The following HYKK variants were observed in gnomAD, a reference collection of about 807,000 sequenced individuals.
HYKK encodes the protein hydroxylysine kinase.
In HYKK, 19 loss-of-function variants were observed where a neutral mutation model predicts 29.7. The ratio of observed to expected loss-of-function variants is 0.64; its 90% CI spans 0.45 to 0.94. HYKK has a LOEUF of 0.94. Among genes scored for constraint, HYKK ranks in the 40% least tolerant of loss-of-function variants. HYKK has a pLI of 0.00. For missense variants in HYKK, 390 were observed against 443.4 expected, an observed-to-expected ratio of 0.88 and a Z score of 1.08; for synonymous variants, 152 against 158.1, an observed-to-expected ratio of 0.96 and a Z score of 0.29.
intron 4 of HYKK, among the ~76,000 whole-genome samples, chr15:78,532,404 C>T (rs2052321118): frequency 6.6e-6 from 1 of 152,192 alleles, no homozygotes; most frequent in Admixed American, 6.5e-5. Flanking sequence ...CCATGGACCC[C>T]ACTTTGAATA....
chr15:78,510,336 A>G (rs938231883), intron 1 of HYKK, among the ~76,000 whole-genome samples: 1 of 151,726 alleles, frequency 6.6e-6, no homozygotes, highest in African/African-American at 2.4e-5. Context: ...GGCGCCGGCC[A>G]CCATGCCCGG....
At chr15:78,524,040 G>A (rs1255235686) in intron 3 of HYKK, among the ~76,000 whole-genome samples, 2 of 152,200 alleles carry the variant, frequency 1.3e-5, no homozygotes, top group Non-Finnish European at 2.9e-5. Flanking sequence ...CCATTCTGGG[G>A]TCTAGAGGAT....
In HYKK at chr15:78,533,333, ATG is replaced by A. The variant is rs1567025533; in HGVS notation, c.789_790del (p.Phe264Ter). The A allele has an allele frequency of 6.2e-7, 1 of 1,614,044 alleles. No homozygotes were observed. The highest frequency in any genetic ancestry group is 1.3e-5 in the African/African-American group (1 of 74,938). On this transcript the variant is annotated frameshift_variant, in exon 5 of 5. Transcript: ENST00000388988. LOFTEE classifies it high-confidence loss of function. ...TTTGGTGACATGAGCTATGGCTACTATGTGTTTGAAGTGGCAATTACCATCAT... is the reference window on the plus strand; with the variant it reads ...TTTGGTGACATGAGCTATGGCTACTATGTTTGAAGTGGCAATTACCATCAT...
chr15:78,533,090 G>A (rs979766501), intron 4 of HYKK, 120 bp from the exon 5 acceptor site: 7 of 637,512 alleles, frequency 1.1e-5, no homozygotes, highest in South Asian at 8.3e-5. Context: ...AAGAAAAATA[G>A]GGCCTGGCCC....
intron 3 of HYKK, among the ~76,000 whole-genome samples, chr15:78,521,326 G>A (rs1393308954): frequency 2.0e-5 from 3 of 152,016 alleles, no homozygotes; most frequent in Non-Finnish European, 2.9e-5. Flanking sequence ...TAAGAAAGAA[G>A]AAAGTATAGG....
intron 3 of HYKK, chr15:78,518,780 T>G: frequency 3.1e-6 from 1 of 318,484 alleles, no homozygotes; most frequent in Non-Finnish European, 6.3e-6. Flanking sequence ...CCAGGTATGG[T>G]GGCGGGCGCC....
chr15:78,531,090 T>A (rs1282470191), intron 4 of HYKK, among the ~76,000 whole-genome samples: 1 of 152,154 alleles, frequency 6.6e-6, no homozygotes, highest in African/African-American at 2.4e-5. Context: ...CTTGAACTCC[T>A]GGCCTCAAGT....
At chr15:78,515,531 G>A (rs1018257219) in intron 3 of HYKK, among the ~76,000 whole-genome samples, 4 of 151,270 alleles carry the variant, frequency 2.6e-5, no homozygotes, top group African/African-American at 4.9e-5. Flanking sequence ...GCAGTGAGCC[G>A]AGATCACACC....
chr15:78,520,941 A>C (rs906005670), intron 3 of HYKK, among the ~76,000 whole-genome samples: 4 of 151,208 alleles, frequency 2.6e-5, no homozygotes, highest in African/African-American at 9.7e-5. Context: ...TCCCTCCCGG[A>C]CGGGGCAGCT....
At chr15:78,520,438 C>T (rs970269021) in intron 3 of HYKK, among the ~76,000 whole-genome samples, 18 of 152,168 alleles carry the variant, frequency 1.2e-4, no homozygotes, top group East Asian at 3.9e-4. Flanking sequence ...GTGGTGATGA[C>T]TCTTAACGAG....
chr15:78,518,602 C>T (rs757796369), intron 3 of HYKK: 6 of 455,494 alleles, frequency 1.3e-5, no homozygotes, highest in Admixed American at 2.4e-5. Context: ...GTAAGCCCCG[C>T]GTTACACCCC....
Position 78,520,654 on chromosome 15 carries a change from G to A in HYKK, c.477+5547G>A, listed in dbSNP as rs985533544. Among the ~76,000 whole-genome samples the A allele has an allele frequency of 5.9e-5, 9 of 152,216 alleles. No individual in the cohort carries two copies. In the East Asian group the frequency reaches 1.4e-3, roughly 23 times the overall value. ...GGTCTACTTCTTTCTACACAGACACGGCAACCATCCGATTTCTCAATGTTT... is the reference window on the plus strand; with the variant it reads ...GGTCTACTTCTTTCTACACAGACACAGCAACCATCCGATTTCTCAATGTTT... On this transcript the variant is annotated intron_variant, in intron 3 of 4. Coordinates refer to ENST00000388988, the MANE Select transcript of HYKK (RefSeq NM_001013619.4).
chr15:78,517,957 C>G (rs2052153671), intron 3 of HYKK, among the ~76,000 whole-genome samples: 1 of 152,202 alleles, frequency 6.6e-6, no homozygotes, highest in South Asian at 2.1e-4. Flanking sequence ...GTCATACACC[C>G]ATCTGCTAAT....
rs551403598 is a variant in HYKK, at chr15:78,517,362, G to T, written c.477+2255G>T. On this transcript the variant is annotated intron_variant, in intron 3 of 4. Coordinates refer to ENST00000388988, the MANE Select transcript of HYKK (RefSeq NM_001013619.4). ...GGCTGAGGCAGGCGGATCACTTGAG[G>T]TCAGGAGTTCAAGACCAGCTAGCCT... is the stretch of plus-strand genomic sequence containing the variant. 4.7e-4 allele frequency among the ~76,000 whole-genome samples: 72 copies of T among 152,112 alleles called. 1 individual carries two copies. The highest frequency in any genetic ancestry group is 8.5e-4 in the Non-Finnish European group (58 of 67,984).
chr15:78,533,099 C>T, intron 4 of HYKK, 111 bp from the exon 5 acceptor site: 2 of 664,040 alleles, frequency 3.0e-6, no homozygotes, highest in Non-Finnish European at 5.2e-6. Context: ...AGGGCCTGGC[C>T]CTTTATCTCT....
At chr15:78,518,127 C>A (rs928310730) in intron 3 of HYKK, among the ~76,000 whole-genome samples, 1 of 152,232 alleles carries the variant, frequency 6.6e-6, no homozygotes, top group African/African-American at 2.4e-5. Context: ...CCTGGGTCTT[C>A]CCTCTCTGCA....
rs1281969625 is a variant in HYKK, at chr15:78,530,518, A to G, written c.662-2692A>G. On this transcript the variant is annotated intron_variant, in intron 4 of 4. Transcript: ENST00000388988. ...CTTTATATTAGTGCTGTCCAGTAGGATTTTCTTCAATGAAGGAAATGTTCT... is the reference window on the plus strand; with the variant it reads ...CTTTATATTAGTGCTGTCCAGTAGGGTTTTCTTCAATGAAGGAAATGTTCT... Among the ~76,000 whole-genome samples, 10 of 152,230 alleles carry G rather than the reference A, an allele frequency of 6.6e-5. No homozygotes were observed. In the East Asian group the frequency reaches 1.9e-3, roughly 29 times the overall value.
Position 78,513,416 on chromosome 15 carries a change from G to A in HYKK, c.328G>A (p.Val110Met), listed in dbSNP as rs377280170. 100 of 1,610,818 alleles carry A rather than the reference G, an allele frequency of 6.2e-5. 2 individuals are homozygous for A. The East Asian group carries it at 1.6e-3, about 26-fold the overall frequency. ...HTKGDNTASL[V>M]SVDSGSEIKS... is the part of the protein sequence containing the mutation. Reference sequence around the variant, plus strand: ...TAAAGGAGACAACACAGCTTCTCTCGTGTCTGTAGGTAAGAGATGACCAAT... The same window carrying A: ...TAAAGGAGACAACACAGCTTCTCTCATGTCTGTAGGTAAGAGATGACCAAT... The change falls in exon 2 of 5, where the codon GTG (valine) becomes ATG (methionine). Residue 110 changes from valine to methionine, a missense_variant. Val to Met is a conservative substitution (Grantham distance 21, BLOSUM62 1). Coordinates refer to ENST00000388988, the MANE Select transcript of HYKK (RefSeq NM_001013619.4).
intron 1 of HYKK, among the ~76,000 whole-genome samples, chr15:78,509,520 C>G (rs949204105): frequency 1.3e-5 from 2 of 152,206 alleles, no homozygotes; most frequent in African/African-American, 4.8e-5. Flanking sequence ...TCACCAGTTG[C>G]CTCTAAGGTT....
Sources: gnomAD v4.1 joint callset for allele counts (sites outside exome capture counted in the v4.1 genomes callset) on GRCh38, gnomAD v4.1.1 for gene constraint, MANE v1.5 for transcripts, NCBI Gene and HGNC (gene_info 2026-07-23, HGNC 2026-07-21) for gene names.